The following GABBR2 variants were observed in gnomAD, a reference collection of about 807,000 sequenced individuals.
The protein encoded by GABBR2 is G-protein coupled receptor 51.
In GABBR2, 23 loss-of-function variants were observed where a neutral mutation model predicts 105.6. That is an observed-to-expected ratio of 0.22 (90% CI 0.16 to 0.31). GABBR2 has a LOEUF of 0.31. Ranked by LOEUF, GABBR2 falls within the 10% of genes least tolerant of loss-of-function variation. GABBR2 has a pLI of 1.00. For synonymous variants in GABBR2, 478 were observed against 499.7 expected (o/e 0.96, Z 0.58); for missense variants, 734 against 1,245.5 (o/e 0.59, Z 6.18).
intron 1 of GABBR2, among the ~76,000 whole-genome samples, chr9:98,600,132 A>G (rs537295094): frequency 1.3e-5 from 2 of 152,182 alleles, no homozygotes; most frequent in Admixed American, 6.5e-5. Flanking sequence ...AAGAAGAACA[A>G]GGAAGGGCTG....
chr9:98,383,698 G>A (rs1318476651), intron 11 of GABBR2, among the ~76,000 whole-genome samples: 1 of 152,312 alleles, frequency 6.6e-6, no homozygotes, highest in Admixed American at 6.5e-5. Context: ...TCACAGTGAA[G>A]TTACTGGTAA....
chr9:98,491,030 T>TGA (rs1224595336), intron 4 of GABBR2, among the ~76,000 whole-genome samples: 1 of 151,632 alleles, frequency 6.6e-6, no homozygotes, highest in African/African-American at 2.4e-5. Context: ...TGTCCAAGAG[T>TGA]GAGAGAGAGA....
At chr9:98,398,322 A>ACC (rs1484395615) in intron 8 of GABBR2, among the ~76,000 whole-genome samples, 1,685 of 149,474 alleles carry the variant, frequency 0.011, 39 homozygotes, top group African/African-American at 0.041. Context: ...CAATTCTAGG[A>ACC]CCCACCCCCC....
chr9:98,609,232 C>T (rs1031151173), intron 1 of GABBR2, among the ~76,000 whole-genome samples: 5 of 152,208 alleles, frequency 3.3e-5, no homozygotes, highest in African/African-American at 2.4e-5. Flanking sequence ...CTCTTACAGA[C>T]TGGCATCCCA....
At chr9:98,527,774 A>C (rs1248973697) in intron 3 of GABBR2, among the ~76,000 whole-genome samples, 2 of 152,212 alleles carry the variant, frequency 1.3e-5, no homozygotes, top group Non-Finnish European at 2.9e-5. Context: ...AAATTAATTA[A>C]AGTAACTAAA....
At chr9:98,473,610 G>A (rs2131631514) in intron 5 of GABBR2, among the ~76,000 whole-genome samples, 1 of 152,110 alleles carries the variant, frequency 6.6e-6, no homozygotes, top group South Asian at 2.1e-4. Flanking sequence ...AAGATAGAAG[G>A]AACAGAATGT....
intron 7 of GABBR2, among the ~76,000 whole-genome samples, chr9:98,431,683 GT>G (rs948757906): frequency 6.7e-6 from 1 of 149,814 alleles, no homozygotes; most frequent in African/African-American, 2.4e-5. Context: ...GGTTTTGTCT[GT>G]TTTTTTTTGT....
rs550471415 is a variant in GABBR2 at position 98,558,486 on chromosome 9, A to C, written c.460-16443T>G. Among the ~76,000 whole-genome samples the C allele has an allele frequency of 2.0e-5, 3 of 152,192 alleles. No homozygotes were observed. The East Asian group carries it at 5.8e-4, about 29-fold the overall frequency. ...TTATGTGCCATTCTGGGCTTGTCCA[A>C]CTCTTCATTTTATACACAGAGGACC... On this transcript the variant is annotated intron_variant, in intron 2 of 18. Coordinates refer to ENST00000259455, the MANE Select transcript of GABBR2 (RefSeq NM_005458.8).
chr9:98,405,647 G>A (rs1407592817), intron 8 of GABBR2, among the ~76,000 whole-genome samples: 1 of 151,940 alleles, frequency 6.6e-6, no homozygotes, highest in Non-Finnish European at 1.5e-5. Context: ...TATAAAATGG[G>A]GTAGTATTTG....
At chr9:98,521,641 C>T (rs1407107261) in intron 3 of GABBR2, among the ~76,000 whole-genome samples, 1 of 152,156 alleles carries the variant, frequency 6.6e-6, no homozygotes, top group Non-Finnish European at 1.5e-5. Context: ...ACCATTTAAA[C>T]AAGAAAGGCC....
chr9:98,324,377 T>A (rs918932266), intron 13 of GABBR2, among the ~76,000 whole-genome samples: 1 of 152,174 alleles, frequency 6.6e-6, no homozygotes, highest in African/African-American at 2.4e-5. Context: ...GCCCCAGGAC[T>A]GTGACATGCT....
intron 7 of GABBR2, among the ~76,000 whole-genome samples, chr9:98,406,485 G>A (rs1173632534): frequency 2.0e-5 from 3 of 152,244 alleles, no homozygotes; most frequent in Non-Finnish European, 4.4e-5. Context: ...AAAGATGACG[G>A]CAAAGGTGAG....
chr9:98,464,628 G>A (rs1207797957), intron 6 of GABBR2, among the ~76,000 whole-genome samples: 2 of 152,134 alleles, frequency 1.3e-5, no homozygotes, highest in Admixed American at 6.5e-5. Context: ...AAGAGACAGC[G>A]ACCATCGAGA....
intron 1 of GABBR2, among the ~76,000 whole-genome samples, chr9:98,641,821 C>T (rs879566981): frequency 1.1e-4 from 17 of 152,308 alleles, no homozygotes; most frequent in South Asian, 4.1e-4. Context: ...CAGCAGGGCC[C>T]TGGCCAGGTA....
At chr9:98,581,499 G>A (rs923296562) in intron 1 of GABBR2, among the ~76,000 whole-genome samples, 21 of 132,360 alleles carry the variant, frequency 1.6e-4, no homozygotes, top group African/African-American at 5.0e-4. Context: ...GGAAGGAAGA[G>A]AGGGAGGGAG....
intron 1 of GABBR2, among the ~76,000 whole-genome samples, chr9:98,619,522 A>G (rs997587683): frequency 3.3e-5 from 5 of 152,190 alleles, no homozygotes; most frequent in African/African-American, 1.2e-4. Context: ...AAACATCAAG[A>G]GACTGATATT....
intron 4 of GABBR2, among the ~76,000 whole-genome samples, chr9:98,495,042 C>T (rs1470700722): frequency 6.6e-6 from 1 of 152,234 alleles, no homozygotes. Context: ...AGCAGCCACC[C>T]CACCCCTGAA....
intron 2 of GABBR2, among the ~76,000 whole-genome samples, chr9:98,570,863 T>C (rs1249741795): frequency 1.3e-5 from 2 of 152,192 alleles, no homozygotes; most frequent in African/African-American, 4.8e-5. Flanking sequence ...TGGAGAGTCC[T>C]TGGGTGACTT....
At chr9:98,584,878 T>C (rs1412735828) in intron 1 of GABBR2, among the ~76,000 whole-genome samples, 1 of 152,204 alleles carries the variant, frequency 6.6e-6, no homozygotes, top group Admixed American at 6.5e-5. Flanking sequence ...GTCCGTCCAG[T>C]GCCAGGGGTC....
Sources: allele counts gnomAD v4.1 joint callset (sites outside exome capture counted in the v4.1 genomes callset), GRCh38; gene constraint gnomAD v4.1.1; transcripts MANE v1.5; gene names NCBI Gene and HGNC (gene_info 2026-07-23, HGNC 2026-07-21).